The following COLQ variants were observed in gnomAD, a reference collection of about 807,000 sequenced individuals.
COLQ encodes collagen like tail subunit of asymmetric acetylcholinesterase.
COLQ carries 48 observed loss-of-function variants against 69.0 expected under a neutral mutation model. The ratio of observed to expected loss-of-function variants is 0.70; its 90% CI spans 0.55 to 0.88. The LOEUF (loss-of-function observed/expected upper bound fraction) is 0.88. Among genes scored for constraint, COLQ ranks in the 40% least tolerant of loss-of-function variants. The pLI is 0.00. For synonymous variants in COLQ, 217 were observed against 211.2 expected (o/e 1.03, Z -0.24); for missense variants, 618 against 594.6 (o/e 1.04, Z -0.41).
chr3:15,470,673 C>T (rs1400789115), intron 10 of COLQ, 57 bp from the exon 11 acceptor site: 1 of 1,483,174 alleles, frequency 6.7e-7, no homozygotes, highest in East Asian at 2.3e-5. Flanking sequence ...GTGGGCACAT[C>T]TACACAGGTC....
At chr3:15,498,159 A>T (rs1559528467) in intron 1 of COLQ, among the ~76,000 whole-genome samples, 1 of 152,122 alleles carries the variant, frequency 6.6e-6, no homozygotes, top group Non-Finnish European at 1.5e-5. Context: ...TTCAAAGCCA[A>T]GGTACCAGCT....
rs762844921 is a variant in COLQ at position 15,521,583 on chromosome 3, G to A, written c.43C>T (p.Leu15Phe). 1.1e-5 allele frequency: 17 copies of A among 1,614,072 alleles called. No individual in the cohort carries two copies. The East Asian group carries it at 3.3e-4, about 32-fold the overall frequency. The change falls in exon 1 of 17, where the codon CTT (leucine) becomes TTT (phenylalanine). Residue 15 changes from leucine (L) to phenylalanine (F), a missense_variant. Leu to Phe is a conservative substitution (Grantham distance 22). Coordinates refer to ENST00000383788, the MANE Select transcript of COLQ (RefSeq NM_005677.4). The part of the protein sequence containing the change: ...NPMTLGIYLQ[L>F]FFLSIVSQPT... Reference sequence around the variant, plus strand: ...TGAGACACGATAGAGAGGAAGAAAAGCTGAAGATAAATTCCCAAAGTCATT... The same window carrying A: ...TGAGACACGATAGAGAGGAAGAAAAACTGAAGATAAATTCCCAAAGTCATT...
chr3:15,475,919 G>A (rs1672646220), intron 6 of COLQ, among the ~76,000 whole-genome samples: 1 of 152,110 alleles, frequency 6.6e-6, no homozygotes, highest in Admixed American at 6.5e-5. Flanking sequence ...GGGACTTCCA[G>A]CACCCACCCT....
At chr3:15,474,148 T>C (rs1317713667) in intron 9 of COLQ, 80 bp downstream of exon 9, 1 of 1,591,066 alleles carries the variant, frequency 6.3e-7, no homozygotes, top group Non-Finnish European at 8.6e-7. Context: ...CAGTCCATCA[T>C]CAGTCCACGG....
At chr3:15,475,325 G>T in intron 7 of COLQ, 100 bp downstream of exon 7, 2 of 1,155,998 alleles carry the variant, frequency 1.7e-6, no homozygotes, top group Non-Finnish European at 2.5e-6. Flanking sequence ...ACATTCCCTA[G>T]TCCGGGACTG....
rs137990986 is a variant in COLQ at position 15,458,879 on chromosome 3, T to C, written c.815-554A>G. Among the ~76,000 whole-genome samples, 267 of 152,138 alleles carry C rather than the reference T, an allele frequency of 1.8e-3. 1 individual carries two copies. Among genetic ancestry groups the C allele is most frequent in the African/African-American group, 6.2e-3 (258 of 41,508 alleles). ...TTTTTTTTGAGATGGAGTCTTGCTC[T>C]GTTGCCCAGGCTGGAGTGCAGTGGC... On this transcript the variant is annotated intron_variant, in intron 12 of 16. Transcript: ENST00000383788.
Position 15,451,365 on chromosome 3 carries a change from G to C in COLQ, c.*279C>G. 1.7e-6 allele frequency: 1 copy of C among 599,102 alleles called. No individual in the cohort carries two copies. The highest frequency in any genetic ancestry group is 3.1e-6 in the Non-Finnish European group (1 of 326,928). 37.1% of individuals were successfully genotyped at this position (599,102 alleles called of 1,614,324 possible). A position where few individuals can be genotyped will look rare whatever the true frequency, so the allele number is the denominator to read the frequency against. ...TCAGCAACATTCCAGAAGAGGAAGA[G>C]CATTGTAGCCGGTTGTTTGGCCAAA... On this transcript the variant is annotated 3_prime_UTR_variant, in exon 17 of 17. Coordinates refer to ENST00000383788, the MANE Select transcript of COLQ (RefSeq NM_005677.4).
intron 12 of COLQ, 95 bp from the exon 13 acceptor site, chr3:15,458,420 T>TA (rs1406252489): frequency 7.2e-7 from 1 of 1,389,762 alleles, no homozygotes. Flanking sequence ...GAAAAAAGGT[T>TA]AAAGTCCACA....
intron 3 of COLQ, 43 bp downstream of exon 3, chr3:15,488,163 C>T: frequency 6.9e-7 from 1 of 1,447,794 alleles, no homozygotes; most frequent in Non-Finnish European, 9.7e-7. Flanking sequence ...CTTTCCTGCT[C>T]TAAACAGAAG....
At chr3:15,465,234 TG>T (rs2062180036) in intron 12 of COLQ, among the ~76,000 whole-genome samples, 10 of 80,422 alleles carry the variant, frequency 1.2e-4, no homozygotes, top group African/African-American at 1.8e-4. Flanking sequence ...CTTTATATTT[TG>T]ATTTATTTAT....
chr3:15,475,068 A>G, intron 7 of COLQ, 117 bp from the exon 8 acceptor site: 1 of 1,133,298 alleles, frequency 8.8e-7, no homozygotes, highest in Non-Finnish European at 1.3e-6. Flanking sequence ...TTGCACTGTG[A>G]GTTTTAGTGG....
intron 1 of COLQ, chr3:15,498,490 C>A (rs1466157615): frequency 3.2e-6 from 5 of 1,549,446 alleles, no homozygotes; most frequent in Non-Finnish European, 4.4e-6. Context: ...CACACACGTG[C>A]ACACACGCAC....
chr3:15,484,989 G>A (rs903377464), intron 3 of COLQ, among the ~76,000 whole-genome samples: 1 of 152,230 alleles, frequency 6.6e-6, no homozygotes, highest in African/African-American at 2.4e-5. Context: ...TTTTTAGAAT[G>A]TTCAGCTTTT....
At chr3:15,460,401 G>A (rs1367957671) in intron 12 of COLQ, among the ~76,000 whole-genome samples, 11 of 152,204 alleles carry the variant, frequency 7.2e-5, no homozygotes, top group South Asian at 2.1e-4. Context: ...GGACTGAGAA[G>A]AGAAATAGGT....
At chr3:15,478,911 G>A in intron 5 of COLQ, 66 bp downstream of exon 5, 1 of 1,591,446 alleles carries the variant, frequency 6.3e-7, no homozygotes, top group Non-Finnish European at 8.6e-7. Context: ...CCCCTCCCTA[G>A]GAGTGCATGC....
In COLQ at chr3:15,470,580, C is replaced by G. The variant is rs2062265318; in HGVS notation, c.673G>C (p.Gly225Arg). The G allele has an allele frequency of 6.2e-7, 1 of 1,614,082 alleles. No individual in the cohort carries two copies. Reference sequence around the variant, plus strand: ...GGTCTTCCTGTGGGTCCTCGGTGTCCTGCTATCCCAGGTTCACCTTTTGGA... The same window carrying G: ...GGTCTTCCTGTGGGTCCTCGGTGTCGTGCTATCCCAGGTTCACCTTTTGGA... ...MGPKGEPGIA[G>R]HRGPTGRPGK... Residue 225 changes from glycine to arginine, a missense_variant, in exon 11 of 17, where the codon GGA becomes CGA. Coordinates refer to ENST00000383788, the MANE Select transcript of COLQ (RefSeq NM_005677.4).
At chr3:15,479,066 C>G (rs2062431304) in intron 4 of COLQ, 63 bp from the exon 5 acceptor site, 7 of 1,599,822 alleles carry the variant, frequency 4.4e-6, no homozygotes, top group South Asian at 3.3e-5. Context: ...GAAGCAGAAG[C>G]CTTAGTAGAG....
intron 1 of COLQ, among the ~76,000 whole-genome samples, chr3:15,514,629 C>T (rs1018255395): frequency 7.2e-5 from 11 of 152,232 alleles, no homozygotes; most frequent in African/African-American, 2.4e-4. Context: ...ACTCTCTGAT[C>T]TAGACTGTTG....
chr3:15,460,694 T>C (rs1308598884), intron 12 of COLQ, among the ~76,000 whole-genome samples: 1 of 152,236 alleles, frequency 6.6e-6, no homozygotes, highest in African/African-American at 2.4e-5. Context: ...TATCTTATCC[T>C]AAGTTATGGT....
Sources: gnomAD v4.1 joint callset for allele counts (sites outside exome capture counted in the v4.1 genomes callset) on GRCh38, gnomAD v4.1.1 for gene constraint, MANE v1.5 for transcripts, NCBI Gene and HGNC (gene_info 2026-07-23, HGNC 2026-07-21) for gene names.